The following NETO1 variants were observed in gnomAD, a reference collection of about 807,000 sequenced individuals.
NETO1 encodes neuropilin and tolloid-like protein 1.
A neutral mutation model predicts 61.3 loss-of-function variants in NETO1; 26 were observed. The observed-to-expected ratio is 0.42, with a 90% CI of 0.31 to 0.59. The LOEUF is 0.59. NETO1 is among the 20% of genes least tolerant of loss of function. The pLI, the probability that NETO1 is intolerant of heterozygous loss-of-function variation, is 0.12. For missense variants in NETO1, 531 were observed against 662.8 expected (o/e 0.80, Z 2.18); for synonymous variants, 225 against 225.8 (o/e 1.00, Z 0.03).
chr18:72,803,532 T>C (rs1488426668), intron 4 of NETO1, among the ~76,000 whole-genome samples: 1 of 152,156 alleles, frequency 6.6e-6, no homozygotes, highest in Non-Finnish European at 1.5e-5. Flanking sequence ...GCTCTTAAAA[T>C]ACTCTCCTGG....
intron 4 of NETO1, among the ~76,000 whole-genome samples, chr18:72,814,738 G>A (rs1283706303): frequency 6.6e-6 from 1 of 151,794 alleles, no homozygotes; most frequent in African/African-American, 2.4e-5. Context: ...AAAAACTTCA[G>A]GGAAAAAAGC....
intron 4 of NETO1, chr18:72,834,874 A>G (rs1294882186): frequency 1.1e-6 from 1 of 904,796 alleles, no homozygotes; most frequent in African/African-American, 1.8e-5. Context: ...TAATACAAGA[A>G]TAAATTATCG....
chr18:72,832,485 C>T (rs2073613857), intron 4 of NETO1, among the ~76,000 whole-genome samples: 1 of 152,124 alleles, frequency 6.6e-6, no homozygotes, highest in Non-Finnish European at 1.5e-5. Flanking sequence ...CTAAATAATA[C>T]TTCAAAAGAA....
chr18:72,776,510 T>C (rs1038996907), intron 7 of NETO1, among the ~76,000 whole-genome samples: 3 of 152,158 alleles, frequency 2.0e-5, no homozygotes, highest in African/African-American at 7.2e-5. Flanking sequence ...CCAACAGAAA[T>C]TTACTTCTCA....
At chr18:72,772,123 T>C (rs528965744) in intron 7 of NETO1, among the ~76,000 whole-genome samples, 4 of 152,306 alleles carry the variant, frequency 2.6e-5, no homozygotes, top group African/African-American at 9.6e-5. Context: ...CATTCTCAGC[T>C]TCTAAAGATT....
At chr18:72,811,657 G>A (rs558216877) in intron 4 of NETO1, among the ~76,000 whole-genome samples, 67 of 152,096 alleles carry the variant, frequency 4.4e-4, no homozygotes, top group African/African-American at 1.3e-3. Context: ...AAAGTAAAAC[G>A]AGCCGGGTGT....
At chr18:72,843,885 T>A (rs540463780) in intron 4 of NETO1, among the ~76,000 whole-genome samples, 1 of 152,328 alleles carries the variant, frequency 6.6e-6, no homozygotes, top group African/African-American at 2.4e-5. Flanking sequence ...CACAACACCG[T>A]GTTCTAATTT....
rs2074695403 is a variant in NETO1, at chr18:72,865,126, G to A, written c.82+62C>T. The A allele has an allele frequency of 3.3e-6, 5 of 1,510,786 alleles. No individual in the cohort carries two copies. The South Asian group carries it at 5.8e-5, about 18-fold the overall frequency. The allele number at this position is 1,510,786 out of a possible 1,614,324, so 93.6% of individuals were successfully genotyped here. A position where few individuals can be genotyped will look rare whatever the true frequency, so the allele number is the denominator to read the frequency against. On this transcript the variant is annotated intron_variant, in intron 2 of 10. Coordinates refer to ENST00000327305, the MANE Select transcript of NETO1 (RefSeq NM_138966.5). ...TATTCTGGAATATTAACAGTAGGAG[G>A]AAAATAGGAAAATACAAAATAATTC...
chr18:72,851,480 T>A (rs1287000352), intron 4 of NETO1, among the ~76,000 whole-genome samples: 2 of 152,022 alleles, frequency 1.3e-5, no homozygotes, highest in East Asian at 3.9e-4. Context: ...AAACTAAAGT[T>A]TTCCCCTTGA....
At chr18:72,768,550 G>C (rs756139266) in intron 7 of NETO1, among the ~76,000 whole-genome samples, 22 of 152,240 alleles carry the variant, frequency 1.4e-4, no homozygotes, top group Non-Finnish European at 2.9e-4. Flanking sequence ...TACTTTATAT[G>C]GAAAAAGGGA....
intron 6 of NETO1, among the ~76,000 whole-genome samples, chr18:72,784,142 T>G (rs939863534): frequency 6.6e-6 from 1 of 152,214 alleles, no homozygotes; most frequent in Non-Finnish European, 1.5e-5. Context: ...GCTGAGTATT[T>G]TTACCCAAAT....
At chr18:72,800,601 T>C (rs2072472759) in intron 4 of NETO1, among the ~76,000 whole-genome samples, 1 of 152,144 alleles carries the variant, frequency 6.6e-6, no homozygotes, top group Non-Finnish European at 1.5e-5. Flanking sequence ...ATGATAGAAA[T>C]AAAGTGCACA....
At chr18:72,795,879 T>C (rs536673660) in intron 4 of NETO1, among the ~76,000 whole-genome samples, 1 of 152,324 alleles carries the variant, frequency 6.6e-6, no homozygotes, top group African/African-American at 2.4e-5. Flanking sequence ...AATTGGGCTT[T>C]TTGCTTTTTG....
chr18:72,784,434 T>A (rs1286948746), intron 6 of NETO1, among the ~76,000 whole-genome samples: 2 of 152,224 alleles, frequency 1.3e-5, no homozygotes, highest in African/African-American at 4.8e-5. Context: ...TATAATTTTT[T>A]ATAAAAAGGC....
chr18:72,818,091 ACCTTTGCACTGCTT>A (rs1262811062), intron 4 of NETO1, among the ~76,000 whole-genome samples: 1 of 152,120 alleles, frequency 6.6e-6, no homozygotes, highest in Non-Finnish European at 1.5e-5. Context: ...AGCTTTCGTA[ACCTTTGCACTGCTT>A]GACTTTCAGT....
intron 4 of NETO1, among the ~76,000 whole-genome samples, chr18:72,803,614 G>A (rs2072577718): frequency 1.3e-5 from 2 of 152,216 alleles, no homozygotes; most frequent in Non-Finnish European, 2.9e-5. Context: ...CTGAGGCTGG[G>A]AGTTCAAGAC....
At chr18:72,800,901 C>T (rs920570864) in intron 4 of NETO1, among the ~76,000 whole-genome samples, 3 of 152,104 alleles carry the variant, frequency 2.0e-5, no homozygotes, top group African/African-American at 7.2e-5. Context: ...TTGTCCAATC[C>T]ACAGGTTCTC....
intron 4 of NETO1, among the ~76,000 whole-genome samples, chr18:72,845,290 T>C (rs1360667593): frequency 6.6e-6 from 1 of 152,154 alleles, no homozygotes; most frequent in Non-Finnish European, 1.5e-5. Context: ...AATCTGGAGC[T>C]CTGAGAGATT....
chr18:72,804,797 G>A (rs771065520), intron 4 of NETO1, among the ~76,000 whole-genome samples: 5 of 152,092 alleles, frequency 3.3e-5, no homozygotes, highest in South Asian at 2.1e-4. Flanking sequence ...CGCACAGCTC[G>A]ACTACCTAAC....
Sources: gnomAD v4.1 joint callset for allele counts (sites outside exome capture counted in the v4.1 genomes callset) on GRCh38, gnomAD v4.1.1 for gene constraint, MANE v1.5 for transcripts, NCBI Gene and HGNC (gene_info 2026-07-23, HGNC 2026-07-21) for gene names.